The following RAP1GAP2 variants were observed in gnomAD, a reference collection of about 807,000 sequenced individuals.
RAP1GAP2 encodes RAP1 GTPase activating protein 2, also known as rap1 GTPase-activating protein 2.
Under a neutral mutation model 95.0 loss-of-function variants are expected in RAP1GAP2, and 27 were observed. The ratio of observed to expected loss-of-function variants is 0.28; its 90% confidence interval spans 0.21 to 0.39. The LOEUF is 0.39. Among genes scored for constraint, RAP1GAP2 ranks in the 10% least tolerant of loss-of-function variants. The pLI is 1.00. For missense variants in RAP1GAP2, 771 were observed against 970.0 expected, an observed-to-expected ratio of 0.79 and a Z score of 2.72; for synonymous variants, 373 against 380.9, an observed-to-expected ratio of 0.98 and a Z score of 0.24.
rs1342112147 is a variant in RAP1GAP2, at chr17:2,827,900, G to A, written c.80+27350G>A. ...ACGCCAGTGACGGTGGGGGCCCAGG[G>A]GGAGCGTGGCAGAGGCTCTCAGGCT... On this transcript the variant is annotated intron_variant, in intron 2 of 24. Transcript: ENST00000254695. The surrounding 1 kb of genome is among the most constrained non-coding windows in gnomAD (Gnocchi z 4.1). Among the ~76,000 whole-genome samples the A allele has an allele frequency of 6.6e-6, 1 of 152,180 alleles. No individual in the cohort carries two copies. The highest frequency in any genetic ancestry group is 1.5e-5 in the Non-Finnish European group (1 of 68,034).
rs149867844 is a variant in RAP1GAP2 at position 2,818,293 on chromosome 17, CTTTATTTA to C, written c.80+17787_80+17794del. Among the ~76,000 whole-genome samples the C allele has an allele frequency of 9.8e-3, 1,336 of 136,324 alleles. 8 individuals carry two copies. The highest frequency in any genetic ancestry group is 0.015 in the African/African-American group (525 of 35,140). 89.4% of individuals were successfully genotyped at this position (136,324 alleles called of 152,430 possible). ...GAATTTTGTGTTTTCTCTCAGCCCA[CTTTATTTA>C]TTTATTTATTTATTTATTTATTTAT... On this transcript the variant is annotated intron_variant, in intron 2 of 24. Coordinates refer to ENST00000254695, the MANE Select transcript of RAP1GAP2 (RefSeq NM_015085.5).
rs2046248906 is a variant in RAP1GAP2, at chr17:3,003,877, G to T, written c.1201-1492G>T. 6.6e-6 allele frequency among the ~76,000 whole-genome samples: 1 copy of T among 152,202 alleles called. No homozygotes were observed. Among genetic ancestry groups the T allele is most frequent in the South Asian group, 2.1e-4 (1 of 4,830 alleles). On this transcript the variant is annotated intron_variant, in intron 14 of 24. Transcript: ENST00000254695. This position sits in a 1 kb window ranked among gnomAD's most constrained non-coding sequence, Gnocchi z 4.1. ...AGGTGAACGCACGTCGCAAGGAAGG[G>T]CCCTGTCCTCCGTGTGGCCCACAGG...
At chr17:2,841,816 C>A (rs772141467) in intron 2 of RAP1GAP2, among the ~76,000 whole-genome samples, 3 of 152,146 alleles carry the variant, frequency 2.0e-5, no homozygotes, top group Non-Finnish European at 4.4e-5. Context: ...CGCAGAGGGG[C>A]CATGGCTACC....
rs1442723512 is a variant in RAP1GAP2 at position 2,963,323 on chromosome 17, C to T, written c.247-107C>T. The T allele has an allele frequency of 6.8e-6, 9 of 1,314,650 alleles. No homozygotes were observed. The highest frequency in any genetic ancestry group is 9.9e-6 in the Non-Finnish European group (9 of 910,298). The allele number at this position is 1,314,650 out of a possible 1,614,324, so 81.4% of individuals were successfully genotyped here. A position where few individuals can be genotyped will look rare whatever the true frequency, so the allele number is the denominator to read the frequency against. ...CTGTTCTTCCATCGAATGTTCCTCCCTCAAAGCCCCCCCACAACATATCCC... is the reference window on the plus strand; with the variant it reads ...CTGTTCTTCCATCGAATGTTCCTCCTTCAAAGCCCCCCCACAACATATCCC... On this transcript the variant is annotated intron_variant, in intron 5 of 24. Transcript: ENST00000254695. The surrounding 1 kb of genome is among the most constrained non-coding windows in gnomAD (Gnocchi z 4.8).
chr17:2,789,373 G>T (rs2068866456), intron 1 of RAP1GAP2, among the ~76,000 whole-genome samples: 1 of 152,086 alleles, frequency 6.6e-6, no homozygotes, highest in Non-Finnish European at 1.5e-5. Context: ...AACTTTATCT[G>T]ATGGGTAAAA....
At chr17:2,935,569 G>A (rs1415150131) in intron 3 of RAP1GAP2, among the ~76,000 whole-genome samples, 3 of 152,144 alleles carry the variant, frequency 2.0e-5, no homozygotes, top group Non-Finnish European at 4.4e-5. Flanking sequence ...CAGATAGAGT[G>A]AGAGATCAAT....
chr17:2,773,846 C>T (rs554161683), upstream of RAP1GAP2, among the ~76,000 whole-genome samples: 21 of 152,136 alleles, frequency 1.4e-4, no homozygotes, highest in African/African-American at 4.6e-4. Flanking sequence ...CAACCTCCGC[C>T]TCCCGGGTTT....
chr17:2,848,715 T>C (rs2151587209), intron 2 of RAP1GAP2, among the ~76,000 whole-genome samples: 1 of 152,234 alleles, frequency 6.6e-6, no homozygotes, highest in East Asian at 1.9e-4. Context: ...GGTTTCACCA[T>C]GTTGGCCAGG....
chr17:2,799,006 T>G (rs2069175925), intron 1 of RAP1GAP2, among the ~76,000 whole-genome samples: 1 of 152,206 alleles, frequency 6.6e-6, no homozygotes, highest in African/African-American at 2.4e-5. Flanking sequence ...GGTCTCAGTT[T>G]CCCCTTGTGT....
intron 8 of RAP1GAP2, among the ~76,000 whole-genome samples, chr17:2,976,018 G>T (rs1027348475): frequency 2.0e-5 from 3 of 152,174 alleles, no homozygotes; most frequent in African/African-American, 7.2e-5. Flanking sequence ...CCGTGAACAC[G>T]CTCTGTTCAC....
chr17:2,833,912 G>T (rs2071018827), intron 2 of RAP1GAP2, among the ~76,000 whole-genome samples: 1 of 152,062 alleles, frequency 6.6e-6, no homozygotes, highest in Admixed American at 6.6e-5. Context: ...GAAGCATCCT[G>T]TCTCCTTGCT....
At chr17:2,891,645 G>A (rs564766537) in intron 2 of RAP1GAP2, among the ~76,000 whole-genome samples, 24 of 151,064 alleles carry the variant, frequency 1.6e-4, no homozygotes, top group African/African-American at 5.6e-4. Flanking sequence ...ATTTTTTTGA[G>A]CTCTTGCATA....
chr17:2,811,669 C>G, intron 2 of RAP1GAP2, among the ~76,000 whole-genome samples: 1 of 152,178 alleles, frequency 6.6e-6, no homozygotes, highest in East Asian at 1.9e-4. Flanking sequence ...CCTCTGCCTC[C>G]CGGGTTCAAG....
At chr17:2,952,243 T>C (rs1195514897) in intron 3 of RAP1GAP2, among the ~76,000 whole-genome samples, 1 of 152,176 alleles carries the variant, frequency 6.6e-6, no homozygotes, top group Non-Finnish European at 1.5e-5. Flanking sequence ...AAACTCTATT[T>C]TTCTCACTTA....
At chr17:2,833,243 A>G (rs2070974371) in intron 2 of RAP1GAP2, among the ~76,000 whole-genome samples, 1 of 150,024 alleles carries the variant, frequency 6.7e-6, no homozygotes. Context: ...CCTGGGTTCA[A>G]GCGATTCTCC....
chr17:2,826,867 G>A (rs757436913), intron 2 of RAP1GAP2, among the ~76,000 whole-genome samples: 7 of 152,008 alleles, frequency 4.6e-5, no homozygotes, highest in Non-Finnish European at 1.0e-4. Flanking sequence ...TTAGCTGGGC[G>A]TGGTGGCGTA....
At chr17:2,947,836 A>C (rs1174810643) in intron 3 of RAP1GAP2, among the ~76,000 whole-genome samples, 2 of 151,830 alleles carry the variant, frequency 1.3e-5, no homozygotes, top group Non-Finnish European at 2.9e-5. Flanking sequence ...ACTCTCCAGA[A>C]ATCCTTTTCC....
intron 2 of RAP1GAP2, among the ~76,000 whole-genome samples, chr17:2,896,796 A>G (rs1280495102): frequency 6.6e-6 from 1 of 152,106 alleles, no homozygotes; most frequent in Non-Finnish European, 1.5e-5. Flanking sequence ...TCCTCATCTA[A>G]TGCACCTGGA....
intron 3 of RAP1GAP2, among the ~76,000 whole-genome samples, chr17:2,923,540 G>T (rs1388742435): frequency 6.6e-6 from 1 of 150,962 alleles, no homozygotes; most frequent in Non-Finnish European, 1.5e-5. Flanking sequence ...CACCATGTTG[G>T]CCAGGCTGGT....
Sources: allele counts gnomAD v4.1 joint callset (sites outside exome capture counted in the v4.1 genomes callset), GRCh38; gene constraint gnomAD v4.1.1; non-coding constraint Gnocchi (gnomAD v3.1); transcripts MANE v1.5; gene names NCBI Gene and HGNC (gene_info 2026-07-23, HGNC 2026-07-21).